The following SLC5A4 variants were observed in gnomAD, a reference collection of about 807,000 sequenced individuals.
SLC5A4 encodes the protein solute carrier family 5 member 4, also known as probable glucose sensor protein SLC5A4.
A neutral mutation model predicts 70.3 loss-of-function variants in SLC5A4; 55 were observed. That is an observed-to-expected ratio of 0.78 (90% CI 0.63 to 0.98). The LOEUF (loss-of-function observed/expected upper bound fraction) is 0.98, where lower values mean the gene tolerates loss of function less well. Among genes scored for constraint, SLC5A4 ranks in the 50% least tolerant of loss-of-function variants. The pLI is 0.00. For missense variants in SLC5A4, 735 were observed against 839.2 expected (o/e 0.88, Z 1.53); for synonymous variants, 268 against 305.7 (o/e 0.88, Z 1.29).
the SLC5A4 span, chr22:32,270,954 C>T: frequency 1.8e-6 from 1 of 551,930 alleles, no homozygotes; most frequent in Admixed American, 2.4e-5. Flanking sequence ...CTGAGCGGGG[C>T]TCACGATGAG....
rs1386788376 is a variant in SLC5A4 at position 32,225,812 on chromosome 22, A to C, written c.1292T>G (p.Leu431Arg). ...CACAATGCTCACAACAGTTAATAGA[A>C]GAACAAATATCCTGAGAAGAAAACA... ...ELLIAGRIFVLLLTVVSIVWV... is the reference protein window; with the variant it reads ...ELLIAGRIFVRLLTVVSIVWV... Residue 431 changes from leucine to arginine, a missense_variant, in exon 12 of 15, where the codon CTT becomes CGT. By Grantham distance (102) the Leu-to-Arg change is moderately radical. Coordinates refer to ENST00000266086, the MANE Select transcript of SLC5A4 (RefSeq NM_014227.3). The C allele has an allele frequency of 6.2e-7, 1 of 1,601,498 alleles. No individual in the cohort carries two copies. The highest frequency in any genetic ancestry group is 1.7e-5 in the Admixed American group (1 of 57,414).
At chr22:32,281,944 A>T in the SLC5A4 span, among the ~76,000 whole-genome samples, 1 of 152,122 alleles carries the variant, frequency 6.6e-6, no homozygotes, top group Non-Finnish European at 1.5e-5. Flanking sequence ...CCTGGGTTCA[A>T]GCGATTCTCC....
At chr22:32,262,923 C>T in the SLC5A4 span, among the ~76,000 whole-genome samples, 2 of 151,972 alleles carry the variant, frequency 1.3e-5, no homozygotes, top group Non-Finnish European at 2.9e-5. Flanking sequence ...GTGGCCACCA[C>T]CTCTCCCAGC....
the SLC5A4 span, among the ~76,000 whole-genome samples, chr22:32,340,748 G>A: frequency 1.3e-5 from 2 of 152,172 alleles, no homozygotes; most frequent in Non-Finnish European, 2.9e-5. Context: ...CGGGAGATGA[G>A]GACAGAGGGA....
chr22:32,294,705 G>T, the SLC5A4 span, among the ~76,000 whole-genome samples: 1 of 146,250 alleles, frequency 6.8e-6, no homozygotes, highest in African/African-American at 2.5e-5. Flanking sequence ...GGGTACATGT[G>T]CACATTGTGC....
upstream of SLC5A4, among the ~76,000 whole-genome samples, chr22:32,257,527 A>AT (rs1397409632): frequency 6.6e-6 from 1 of 151,750 alleles, no homozygotes. Flanking sequence ...GGCTAACTTC[A>AT]TTTTTTTAGA....
the SLC5A4 span, among the ~76,000 whole-genome samples, chr22:32,308,427 G>A: frequency 6.6e-6 from 1 of 152,134 alleles, no homozygotes; most frequent in Non-Finnish European, 1.5e-5. Flanking sequence ...CCACCAGGCT[G>A]GAATCCTGAC....
chr22:32,255,736 C>T (rs1438981304), upstream of SLC5A4, among the ~76,000 whole-genome samples: 1 of 152,176 alleles, frequency 6.6e-6, no homozygotes, highest in Admixed American at 6.5e-5. Context: ...AGAACAGATA[C>T]AGTTTCTGAC....
At chr22:32,252,898 A>G (rs1369713027) in intron 2 of SLC5A4, among the ~76,000 whole-genome samples, 1 of 152,174 alleles carries the variant, frequency 6.6e-6, no homozygotes, top group Non-Finnish European at 1.5e-5. Flanking sequence ...CAGTCCTAGC[A>G]GAAGAGAATT....
intron 11 of SLC5A4, among the ~76,000 whole-genome samples, chr22:32,228,893 C>G (rs753198832): frequency 6.6e-6 from 1 of 152,110 alleles, no homozygotes; most frequent in Non-Finnish European, 1.5e-5. Flanking sequence ...ATTTTACACC[C>G]TATTAAAATA....
Position 32,225,775 on chromosome 22 carries a change from C to G in SLC5A4, c.1329G>C (p.Leu443=). The change falls in exon 12 of 15, where the codon CTG becomes CTC. Residue 443 remains leucine (L), a synonymous_variant. Transcript: ENST00000266086. ...LTVVSIVWVP[L]VQVSQNGQLI... ...GTTGTCCATTTTGAGAAACTTGTAC[C>G]AGTGGGACCCACACAATGCTCACAA... The G allele has an allele frequency of 6.2e-7, 1 of 1,612,422 alleles. No individual in the cohort carries two copies. Among genetic ancestry groups the G allele is most frequent in the Non-Finnish European group, 8.5e-7 (1 of 1,178,628 alleles).
At chr22:32,223,393 G>A (rs113252214) in intron 13 of SLC5A4, among the ~76,000 whole-genome samples, 3,386 of 152,132 alleles carry the variant, frequency 0.022, 98 homozygotes, top group African/African-American at 0.064. Context: ...CAAAATCTAC[G>A]CACTCTCCAA....
At chr22:32,353,252 GC>G in the SLC5A4 span, among the ~76,000 whole-genome samples, 4 of 152,148 alleles carry the variant, frequency 2.6e-5, no homozygotes, top group African/African-American at 9.7e-5. Context: ...TCCTCGGGAA[GC>G]AGGAGCAGCA....
intron 14 of SLC5A4, among the ~76,000 whole-genome samples, chr22:32,220,527 G>A (rs978980672): frequency 1.3e-4 from 20 of 152,342 alleles, no homozygotes; most frequent in African/African-American, 3.6e-4. Flanking sequence ...CTTGGCGCAT[G>A]TGGAAAAGTG....
At chr22:32,258,374 C>T (rs998380208), upstream of SLC5A4, among the ~76,000 whole-genome samples, 1 of 152,054 alleles carries the variant, frequency 6.6e-6, no homozygotes, top group Non-Finnish European at 1.5e-5. Context: ...AAATAACCCC[C>T]CACAACTCAA....
chr22:32,301,599 G>A, the SLC5A4 span, among the ~76,000 whole-genome samples: 2 of 152,072 alleles, frequency 1.3e-5, no homozygotes, highest in African/African-American at 4.8e-5. Context: ...TTACCAAATT[G>A]ATCTATAAAT....
chr22:32,270,304 A>G, the SLC5A4 span: 1 of 860,164 alleles, frequency 1.2e-6, no homozygotes, highest in African/African-American at 1.7e-5. Flanking sequence ...GGACCTGGAG[A>G]TTGTGGTTTG....
At chr22:32,305,794 G>C in the SLC5A4 span, among the ~76,000 whole-genome samples, 274 of 151,448 alleles carry the variant, frequency 1.8e-3, 1 homozygote, top group African/African-American at 6.4e-3. Flanking sequence ...GTCACACCAG[G>C]GGCCACTGAA....
the SLC5A4 span, among the ~76,000 whole-genome samples, chr22:32,290,692 G>T: frequency 1.3e-5 from 2 of 152,120 alleles, no homozygotes; most frequent in Non-Finnish European, 2.9e-5. Flanking sequence ...CAGATGTGGG[G>T]TGTGCAGAAG....
Sources: gnomAD v4.1 joint callset for allele counts (sites outside exome capture counted in the v4.1 genomes callset) on GRCh38, gnomAD v4.1.1 for gene constraint, MANE v1.5 for transcripts, NCBI Gene and HGNC (gene_info 2026-07-23, HGNC 2026-07-21) for gene names.